Variants in CDK18 observed in about 807,000 individuals in gnomAD.
CDK18 encodes the protein cyclin-dependent kinase 18.
A neutral mutation model predicts 62.0 loss-of-function variants in CDK18; 52 were observed. The observed-to-expected ratio is 0.84, with a 90% CI of 0.67 to 1.06. The LOEUF (loss-of-function observed/expected upper bound fraction) is 1.06. Ranked by LOEUF, CDK18 falls within the 50% of genes least tolerant of loss-of-function variation. The pLI is 0.00. For missense variants in CDK18, 604 were observed against 619.9 expected, an observed-to-expected ratio of 0.97 and a Z score of 0.27; for synonymous variants, 237 against 247.0, an observed-to-expected ratio of 0.96 and a Z score of 0.38.
intron 1 of CDK18, chr1:205,522,880 A>G (rs1271900069): frequency 5.2e-6 from 2 of 383,984 alleles, no homozygotes; most frequent in Non-Finnish European, 9.5e-6. Context: ...GGTGGTCCAT[A>G]GAGAACTGCA....
At chr1:205,522,277 G>A (rs564780433) in intron 1 of CDK18, among the ~76,000 whole-genome samples, 49 of 152,146 alleles carry the variant, frequency 3.2e-4, no homozygotes, top group African/African-American at 1.1e-3. Flanking sequence ...GGGGTGGGCA[G>A]AGCAGCTTAC....
In CDK18 at chr1:205,526,392, C is replaced by T. The variant is rs751405892; in HGVS notation, c.597C>T (p.His199=). The change falls in exon 7 of 16, where the codon CAC becomes CAT. Residue 199 remains histidine, a synonymous_variant. Coordinates refer to ENST00000429964, the MANE Select transcript of CDK18 (RefSeq NM_212502.3). The part of the protein sequence containing the change: ...REVSLLKNLK[H]ANIVTLHDLI... ...TGTCTCTGCTGAAGAACCTGAAGCA[C>T]GCCAATATTGTGACCCTGCATGACC... 1.2e-5 allele frequency: 19 copies of T among 1,613,956 alleles called. No homozygotes were observed. The highest frequency in any genetic ancestry group is 6.7e-5 in the East Asian group (3 of 44,878).
At chr1:205,522,239 A>G (rs1427138965) in intron 1 of CDK18, among the ~76,000 whole-genome samples, 1 of 151,902 alleles carries the variant, frequency 6.6e-6, no homozygotes, top group Non-Finnish European at 1.5e-5. Context: ...TGAAGAAGAA[A>G]GCTTTCATGG....
At position 205,530,318 on chromosome 1, in the gene CDK18, T is replaced by G; in HGVS notation, c.1281T>G (p.Ser427=). The G allele has an allele frequency of 6.2e-7, 1 of 1,613,242 alleles. No homozygotes were observed. The highest frequency in any genetic ancestry group is 8.5e-7 in the Non-Finnish European group (1 of 1,180,018). ...CCCTGAGTCACTCCTACTTCCGGTCTCTGGGAGAGCGTGTGCACCAGCTTG... is the reference window on the plus strand; with the variant it reads ...CCCTGAGTCACTCCTACTTCCGGTCGCTGGGAGAGCGTGTGCACCAGCTTG... The part of the protein sequence containing the change: ...EAALSHSYFR[S]LGERVHQLED... Residue 427 remains serine (S), a synonymous_variant, in exon 14 of 16, where the codon TCT becomes TCG. Transcript: ENST00000429964.
In CDK18 at chr1:205,527,791, C is replaced by A. The variant is rs746667134; in HGVS notation, c.730-3C>A. The A allele has an allele frequency of 6.2e-7, 1 of 1,613,834 alleles. No individual in the cohort carries two copies. Among genetic ancestry groups the A allele is most frequent in the South Asian group, 1.1e-5 (1 of 91,070 alleles). On this transcript the variant is annotated splice_region_variant and splice_polypyrimidine_tract_variant and intron_variant, in intron 8 of 15. Transcript: ENST00000429964. This position sits in a 1 kb window ranked among gnomAD's most constrained non-coding sequence, Gnocchi z 4.1. The stretch of plus-strand genomic sequence containing the variant: ...CCCCACATTTCTCTTCCCCCTCCCC[C>A]AGATTTTCATGTTCCAGCTGCTCCG...
rs185419364 is a variant in CDK18, at chr1:205,516,910, A to G, written c.-21-6237A>G. Reference sequence around the variant, plus strand: ...CAGTCCTGGCCCCAGGAGCTTGAGAAGTGAAGCTGACTTTCCCGCCCTCCA... The same window carrying G: ...CAGTCCTGGCCCCAGGAGCTTGAGAGGTGAAGCTGACTTTCCCGCCCTCCA... On this transcript the variant is annotated intron_variant, in intron 1 of 15. Transcript: ENST00000429964. The surrounding 1 kb of genome is among the most constrained non-coding windows in gnomAD (Gnocchi z 4.8). 2.0e-5 allele frequency: 3 copies of G among 152,294 alleles called. No homozygotes were observed. The highest frequency in any genetic ancestry group is 2.0e-4 in the Admixed American group (3 of 15,300). 9.4% of individuals were successfully genotyped at this position (152,294 alleles called of 1,614,324 possible).
chr1:205,529,745 T>G, intron 13 of CDK18, 182 bp downstream of exon 13: 2 of 1,534,352 alleles, frequency 1.3e-6, no homozygotes, highest in Non-Finnish European at 1.7e-6. Flanking sequence ...CTGGAGTCTG[T>G]GCACTGCGAG....
chr1:205,530,219 C>T (rs1558787538), intron 13 of CDK18, 40 bp from the exon 14 acceptor site: 2 of 1,606,300 alleles, frequency 1.2e-6, no homozygotes, highest in Non-Finnish European at 8.5e-7. Flanking sequence ...GGTTTGCAGC[C>T]CCCCAGCCGG....
chr1:205,507,628 C>T lies in CDK18; in HGVS notation c.-22+2832C>T, dbSNP rs1397764509. Among the ~76,000 whole-genome samples the T allele has an allele frequency of 6.1e-5, 7 of 114,056 alleles. No individual in the cohort carries two copies. In the South Asian group the frequency reaches 9.3e-4, roughly 15 times the overall value. The allele number at this position is 114,056 out of a possible 152,430, so 74.8% of individuals were successfully genotyped here. ...CAGCCTGGGCGACAGAGCGAGACTC[C>T]GTCTCAAAAAAAAAAAAAAAAAAAA... is the stretch of plus-strand genomic sequence containing the variant. On this transcript the variant is annotated intron_variant, in intron 1 of 15. Coordinates refer to ENST00000429964, the MANE Select transcript of CDK18 (RefSeq NM_212502.3).
At chr1:205,530,077 C>T (rs536723677) in intron 13 of CDK18, 182 bp from the exon 14 acceptor site, 37 of 1,432,224 alleles carry the variant, frequency 2.6e-5, no homozygotes, top group Non-Finnish European at 3.3e-5. Flanking sequence ...GAGGAGCCTT[C>T]CCCTGAGTCT....
intron 1 of CDK18, among the ~76,000 whole-genome samples, chr1:205,515,504 G>A (rs1017351274): frequency 1.3e-5 from 2 of 152,156 alleles, no homozygotes; most frequent in Non-Finnish European, 2.9e-5. Context: ...ATGGGCAAGC[G>A]ACATCATCAG....
At chr1:205,526,327 A>C (rs1168233214) in intron 6 of CDK18, 40 bp from the exon 7 acceptor site, 2 of 1,516,088 alleles carry the variant, frequency 1.3e-6, no homozygotes, top group African/African-American at 1.4e-5. Context: ...ATGGGGACAC[A>C]TGGGGTCCTA....
chr1:205,531,089 C>A (rs535401120), intron 15 of CDK18, among the ~76,000 whole-genome samples: 1 of 152,282 alleles, frequency 6.6e-6, no homozygotes, highest in East Asian at 1.9e-4. Context: ...CTTAAAATAC[C>A]CCTTGAAGCT....
At position 205,529,034 on chromosome 1, in the gene CDK18, G is replaced by A. The variant is rs1212477160; in HGVS notation, c.1010G>A (p.Gly337Glu). 1.3e-6 allele frequency: 2 copies of A among 1,596,850 alleles called. No individual in the cohort carries two copies. Among genetic ancestry groups the A allele is most frequent in the South Asian group, 1.1e-5 (1 of 87,798 alleles). ...VGCIHYEMATGRPLFPGSTVK... is the reference protein window; with the variant it reads ...VGCIHYEMATERPLFPGSTVK... ...TGCATCCACTACGAGATGGCCACAG[G>A]GAGGCCCCTCTTCCCGGGCTCCACA... Residue 337 changes from glycine to glutamate, a missense_variant, in exon 11 of 16, where the codon GGG becomes GAG. Physicochemically the swap from Gly to Glu is moderately conservative, Grantham distance 98. Transcript: ENST00000429964.
At chr1:205,521,275 A>G (rs1668113271) in intron 1 of CDK18, among the ~76,000 whole-genome samples, 1 of 152,130 alleles carries the variant, frequency 6.6e-6, no homozygotes, top group Non-Finnish European at 1.5e-5. Context: ...GCAATGGCGC[A>G]ATCTCCACTC....
chr1:205,528,769 A>T lies in CDK18; in HGVS notation c.975-230A>T, dbSNP rs1232754786. On this transcript the variant is annotated intron_variant, in intron 10 of 15. Transcript: ENST00000429964. This position sits in a 1 kb window ranked among gnomAD's most constrained non-coding sequence, Gnocchi z 4.2. ...CACAGAGTGAAAGGGGACTTTCCTC[A>T]CAGAGTGAAAGTCGCAGCTTTCCCG... The T allele has an allele frequency of 6.4e-6, 3 of 468,004 alleles. No homozygotes were observed. The East Asian group carries it at 9.5e-5, about 15-fold the overall frequency. The allele number at this position is 468,004 out of a possible 1,614,324, so 29.0% of individuals were successfully genotyped here. A position where few individuals can be genotyped will look rare whatever the true frequency, so the allele number is the denominator to read the frequency against.
intron 2 of CDK18, 87 bp downstream of exon 2, chr1:205,523,384 T>G: frequency 2.2e-6 from 3 of 1,360,410 alleles, no homozygotes; most frequent in Non-Finnish European, 3.0e-6. Flanking sequence ...CCCTCCCCAC[T>G]GGCCTTAGGG....
intron 1 of CDK18, among the ~76,000 whole-genome samples, chr1:205,521,894 G>A (rs1347013707): frequency 6.6e-6 from 1 of 152,274 alleles, no homozygotes; most frequent in African/African-American, 2.4e-5. Context: ...TCCTCCAGGA[G>A]TGGGCTGTGC....
chr1:205,523,283 A>G lies in CDK18; in HGVS notation c.116A>G (p.Asn39Ser). 1.2e-6 allele frequency: 2 copies of G among 1,614,030 alleles called. No individual in the cohort carries two copies. Among genetic ancestry groups the G allele is most frequent in the South Asian group, 2.2e-5 (2 of 91,074 alleles). ...EFTEQFNQLH[N>S]RRNENLQLGP... is the part of the protein sequence containing the mutation. ...ACGGAGCAATTCAACCAGCTCCACA[A>G]CCGGCGGAATGAGAGTGAGGGGTCT... The change falls in exon 2 of 16, where the codon AAC becomes AGC. Residue 39 changes from asparagine (N) to serine (S), a missense_variant. Asn to Ser is a conservative substitution (Grantham distance 46). Transcript: ENST00000429964.
Sources: gnomAD v4.1 joint callset for allele counts (sites outside exome capture counted in the v4.1 genomes callset) on GRCh38, gnomAD v4.1.1 for gene constraint, Gnocchi (gnomAD v3.1) non-coding constraint, MANE v1.5 for transcripts, NCBI Gene and HGNC (gene_info 2026-07-23, HGNC 2026-07-21) for gene names.